ARID1B: variants seen among roughly 807,000 people sequenced by gnomAD.
ARID1B encodes AT-rich interaction domain 1B, also known as AT-rich interactive domain-containing protein 1B.
Under a neutral mutation model 212.3 loss-of-function variants are expected in ARID1B, and 30 were observed. That is an observed-to-expected ratio of 0.14 (90% CI 0.11 to 0.19). The LOEUF is 0.19. Ranked by LOEUF, ARID1B falls within the 10% of genes least tolerant of loss-of-function variation. The pLI is 1.00. For synonymous variants in ARID1B, 1,402 were observed against 1,301.7 expected, an observed-to-expected ratio of 1.08 and a Z score of -1.66; for missense variants, 2,891 against 3,204.0, an observed-to-expected ratio of 0.90 and a Z score of 2.36.
At chr6:156,856,029 A>T (rs948590523) in intron 2 of ARID1B, among the ~76,000 whole-genome samples, 1 of 152,140 alleles carries the variant, frequency 6.6e-6, no homozygotes, top group African/African-American at 2.4e-5. Flanking sequence ...CTGGTTGTAG[A>T]TGGAGGGAAG....
At chr6:156,931,961 TA>T (rs56102774) in intron 3 of ARID1B, among the ~76,000 whole-genome samples, 11,111 of 97,396 alleles carry the variant, frequency 0.11, 640 homozygotes, top group African/African-American at 0.2. Context: ...GATTCCGTCT[TA>T]AAAAAAAAAA....
chr6:156,975,037 A>T (rs1777139861), intron 4 of ARID1B, among the ~76,000 whole-genome samples: 1 of 152,178 alleles, frequency 6.6e-6, no homozygotes, highest in Admixed American at 6.5e-5. Flanking sequence ...TTCAGTAGAT[A>T]CTTAGAAGTG....
In ARID1B at chr6:157,210,408, A is replaced by AGACT; in HGVS notation, c.*2519_*2522dup. On this transcript the variant is annotated 3_prime_UTR_variant, in exon 20 of 20. Coordinates refer to ENST00000636930, the MANE Select transcript of ARID1B (RefSeq NM_001374828.1). The stretch of plus-strand genomic sequence containing the variant: ...TCAGAAGAGTAAAATAATTAACAAA[A>AGACT]GACTGTTGTTATGGTTTGCATTGTA... 1 of 231,126 alleles carries AGACT rather than the reference A, an allele frequency of 4.3e-6. No homozygotes were observed. Among genetic ancestry groups the AGACT allele is most frequent in the Non-Finnish European group, 8.6e-6 (1 of 116,746 alleles). 14.3% of individuals were successfully genotyped at this position (231,126 alleles called of 1,614,324 possible).
chr6:157,096,890 T>C (rs567871119), intron 5 of ARID1B, among the ~76,000 whole-genome samples: 1 of 152,362 alleles, frequency 6.6e-6, no homozygotes, highest in Non-Finnish European at 1.5e-5. Context: ...CCCAAATGTA[T>C]TAATATGTCA....
At chr6:157,097,171 A>G (rs970415836) in intron 5 of ARID1B, among the ~76,000 whole-genome samples, 1 of 152,218 alleles carries the variant, frequency 6.6e-6, no homozygotes, top group Non-Finnish European at 1.5e-5. Flanking sequence ...ATAATCACAA[A>G]TGCAATGAAA....
chr6:157,182,953 C>T (rs931348176), intron 12 of ARID1B, among the ~76,000 whole-genome samples: 3 of 152,120 alleles, frequency 2.0e-5, no homozygotes, highest in Non-Finnish European at 4.4e-5. Context: ...TTTTATCAGC[C>T]AGCACAGAGT....
chr6:156,890,092 TAAAG>T (rs2128185728), intron 2 of ARID1B, among the ~76,000 whole-genome samples: 1 of 152,238 alleles, frequency 6.6e-6, no homozygotes, highest in South Asian at 2.1e-4. Context: ...TAAGAGGAAA[TAAAG>T]GCTGTTCAGG....
At chr6:157,097,757 C>G (rs1785752212) in intron 5 of ARID1B, among the ~76,000 whole-genome samples, 1 of 152,222 alleles carries the variant, frequency 6.6e-6, no homozygotes, top group Non-Finnish European at 1.5e-5. Flanking sequence ...CTCAGCTAAT[C>G]TTTCTCCTGG....
intron 2 of ARID1B, chr6:156,871,486 A>AC: frequency 1.3e-6 from 1 of 744,052 alleles, no homozygotes; most frequent in Non-Finnish European, 2.3e-6. Flanking sequence ...ACAGATGGGG[A>AC]CCTGAGGTTT....
chr6:157,161,125 T>G (rs565367917), intron 8 of ARID1B, among the ~76,000 whole-genome samples: 7 of 152,264 alleles, frequency 4.6e-5, no homozygotes, highest in Non-Finnish European at 8.8e-5. Context: ...TAATTACTTA[T>G]AGCATGTCTC....
rs147679171 is a variant in ARID1B at position 157,207,483 on chromosome 6, A to G, written c.6711A>G (p.Thr2237=). The change falls in exon 20 of 20, where the codon ACA becomes ACG. Residue 2237 remains threonine (T), a synonymous_variant. Coordinates refer to ENST00000636930, the MANE Select transcript of ARID1B (RefSeq NM_001374828.1). The surrounding 1 kb of genome is among the most constrained non-coding windows in gnomAD (Gnocchi z 8.5). The part of the protein sequence containing the change: ...PFSRQEKFYA[T]LVRYVGDRKN... ...GTCGTCAGGAGAAATTCTATGCTAC[A>G]TTAGTTAGGTACGTTGGGGATCGCA... 3.7e-4 allele frequency: 592 copies of G among 1,614,034 alleles called. No individual in the cohort carries two copies. Among genetic ancestry groups the G allele is most frequent in the Non-Finnish European group, 5.0e-4 (588 of 1,180,038 alleles).
intron 2 of ARID1B, among the ~76,000 whole-genome samples, chr6:156,839,741 C>T (rs1041008694): frequency 6.6e-6 from 1 of 152,268 alleles, no homozygotes; most frequent in East Asian, 1.9e-4. Context: ...ACTGCACATA[C>T]GCAGCAGGCC....
At chr6:157,127,920 C>T (rs1788252492) in intron 6 of ARID1B, among the ~76,000 whole-genome samples, 1 of 150,944 alleles carries the variant, frequency 6.6e-6, no homozygotes, top group African/African-American at 2.5e-5. Context: ...CAAGAGTGCT[C>T]CACTGCACTC....
Position 156,960,805 on chromosome 6 carries a change from A to G in ARID1B, c.2247+25229A>G, listed in dbSNP as rs934698930. On this transcript the variant is annotated intron_variant, in intron 4 of 19. Coordinates refer to ENST00000636930, the MANE Select transcript of ARID1B (RefSeq NM_001374828.1). Reference sequence around the variant, plus strand: ...TAGAATTACAGGCACAAAGCACTTTACTGTATTTTTTTTAAGGCATGAAGT... The same window carrying G: ...TAGAATTACAGGCACAAAGCACTTTGCTGTATTTTTTTTAAGGCATGAAGT... Among the ~76,000 whole-genome samples the G allele has an allele frequency of 6.7e-5, 7 of 103,988 alleles. No individual in the cohort carries two copies. The East Asian group carries it at 2.3e-3, about 34-fold the overall frequency. The allele number at this position is 103,988 out of a possible 152,430, so 68.2% of individuals were successfully genotyped here. A position where few individuals can be genotyped will look rare whatever the true frequency, so the allele number is the denominator to read the frequency against.
chr6:156,908,567 T>TC (rs751191136), intron 3 of ARID1B, among the ~76,000 whole-genome samples: 103 of 151,908 alleles, frequency 6.8e-4, no homozygotes, highest in Middle Eastern at 3.4e-3. Context: ...TTGCTGTTCT[T>TC]CCCCCCCGCC....
chr6:156,886,720 C>G (rs1787535793), intron 2 of ARID1B, among the ~76,000 whole-genome samples: 1 of 152,190 alleles, frequency 6.6e-6, no homozygotes, highest in Non-Finnish European at 1.5e-5. Context: ...AAGTCTTTTC[C>G]AGTTCCGGAA....
At chr6:156,856,726 A>T (rs1784974225) in intron 2 of ARID1B, among the ~76,000 whole-genome samples, 1 of 148,276 alleles carries the variant, frequency 6.7e-6, no homozygotes, top group Non-Finnish European at 1.5e-5. Flanking sequence ...ACACACACAC[A>T]CACACACACA....
In ARID1B at chr6:156,894,555, A is replaced by G. The variant is rs1484284472; in HGVS notation, c.1987-6821A>G. Among the ~76,000 whole-genome samples the G allele has an allele frequency of 2.0e-5, 3 of 152,206 alleles. No individual in the cohort carries two copies. In the East Asian group the frequency reaches 5.8e-4, roughly 29 times the overall value. ...AGGTGCTCATTCTTTTACACAGCAAAATAGTAGCATGTTAGAATTCAGTAG... is the reference window on the plus strand; with the variant it reads ...AGGTGCTCATTCTTTTACACAGCAAGATAGTAGCATGTTAGAATTCAGTAG... On this transcript the variant is annotated intron_variant, in intron 2 of 19. Coordinates refer to ENST00000636930, the MANE Select transcript of ARID1B (RefSeq NM_001374828.1).
chr6:156,807,363 G>C, intron 1 of ARID1B, among the ~76,000 whole-genome samples: 1 of 151,932 alleles, frequency 6.6e-6, no homozygotes, highest in East Asian at 1.9e-4. Flanking sequence ...TTTACTGCCC[G>C]CCATCTAGTT....
Sources: gnomAD v4.1 joint callset for allele counts (sites outside exome capture counted in the v4.1 genomes callset) on GRCh38, gnomAD v4.1.1 for gene constraint, Gnocchi (gnomAD v3.1) non-coding constraint, MANE v1.5 for transcripts, NCBI Gene and HGNC (gene_info 2026-07-23, HGNC 2026-07-21) for gene names.